SKOR2: variants seen among roughly 807,000 people sequenced by gnomAD.
The protein encoded by SKOR2 is LBX1 corepressor 1-like protein.
In SKOR2, 47 loss-of-function variants were observed where a neutral mutation model predicts 69.1. That is an observed-to-expected ratio of 0.68 (90% CI 0.54 to 0.87). The LOEUF (loss-of-function observed/expected upper bound fraction) is 0.87, where lower values mean the gene tolerates loss of function less well. Ranked by LOEUF, SKOR2 falls within the 40% of genes least tolerant of loss-of-function variation. The pLI is 0.00. For missense variants in SKOR2, 1,404 were observed against 1,472.2 expected, an observed-to-expected ratio of 0.95 and a Z score of 0.76; for synonymous variants, 717 against 672.6, an observed-to-expected ratio of 1.07 and a Z score of -1.02.
chr18:47,229,647 C>T (rs942043431), intron 6 of SKOR2, among the ~76,000 whole-genome samples: 2 of 151,870 alleles, frequency 1.3e-5, no homozygotes, highest in African/African-American at 2.4e-5. Context: ...GAGCAAGACT[C>T]CATCTCAAAA....
At chr18:47,245,917 A>G (rs113065175) in intron 2 of SKOR2, among the ~76,000 whole-genome samples, 1 of 152,242 alleles carries the variant, frequency 6.6e-6, no homozygotes, top group African/African-American at 2.4e-5. Flanking sequence ...TTCTGTGCAC[A>G]CGTGAGTGAA....
intron 8 of SKOR2, among the ~76,000 whole-genome samples, chr18:47,210,835 G>C (rs2064125783): frequency 6.6e-6 from 1 of 152,002 alleles, no homozygotes; most frequent in Admixed American, 6.6e-5. Flanking sequence ...CATGCATTAG[G>C]AAGAGGCAGG....
chr18:47,250,573 T>C (rs2064307992), intron 1 of SKOR2, among the ~76,000 whole-genome samples: 1 of 152,228 alleles, frequency 6.6e-6, no homozygotes, highest in Non-Finnish European at 1.5e-5. Flanking sequence ...ATTACAGTGC[T>C]TTCAGAGGGT....
chr18:47,247,665 G>A lies in SKOR2; in HGVS notation c.1519C>T (p.Arg507Cys). The A allele has an allele frequency of 7.3e-7, 1 of 1,366,490 alleles. No homozygotes were observed. The highest frequency in any genetic ancestry group is 1.7e-5 in the South Asian group (1 of 57,718). The allele number at this position is 1,366,490 out of a possible 1,614,324, so 84.6% of individuals were successfully genotyped here. Residue 507 changes from arginine (R) to cysteine (C), a missense_variant, in exon 2 of 9, where the codon CGC becomes TGC. Transcript: ENST00000425639. The surrounding 1 kb of genome is among the most constrained non-coding windows in gnomAD (Gnocchi z 6.6). ...TCAGCCAGGTCCAGGAAGGCCTGGCGCAGCAGGGCCGGGCTTTCGCCTAGC... is the reference window on the plus strand; with the variant it reads ...TCAGCCAGGTCCAGGAAGGCCTGGCACAGCAGGGCCGGGCTTTCGCCTAGC... ...CALGESPALL[R>C]QAFLDLAEPG... is the part of the protein sequence containing the mutation.
intron 7 of SKOR2, among the ~76,000 whole-genome samples, chr18:47,216,693 C>T (rs929163869): frequency 6.6e-6 from 1 of 152,048 alleles, no homozygotes; most frequent in Non-Finnish European, 1.5e-5. Flanking sequence ...TTTTTAACAA[C>T]ATAGGATAAA....
chr18:47,228,883 C>T (rs2144493764), intron 6 of SKOR2, among the ~76,000 whole-genome samples: 1 of 152,344 alleles, frequency 6.6e-6, no homozygotes, highest in African/African-American at 2.4e-5. Flanking sequence ...CTTTCAGTCT[C>T]ATTCTAAAGC....
At chr18:47,224,554 CTT>C (rs1254001612) in intron 6 of SKOR2, among the ~76,000 whole-genome samples, 1 of 152,028 alleles carries the variant, frequency 6.6e-6, no homozygotes, top group Non-Finnish European at 1.5e-5. Context: ...AAGCAGTGGG[CTT>C]TGGGGTTCAA....
At chr18:47,239,342 G>C (rs1221892150) in intron 4 of SKOR2, among the ~76,000 whole-genome samples, 2 of 148,030 alleles carry the variant, frequency 1.4e-5, no homozygotes, top group Non-Finnish European at 3.0e-5. Flanking sequence ...TCACAGAACA[G>C]AAAAGAAAAA....
chr18:47,229,141 G>C (rs1207272634), intron 6 of SKOR2, among the ~76,000 whole-genome samples: 1 of 152,198 alleles, frequency 6.6e-6, no homozygotes, highest in African/African-American at 2.4e-5. Flanking sequence ...TTGTGCCAGT[G>C]ATTACATTTA....
At chr18:47,213,034 C>A (rs2064132696) in intron 7 of SKOR2, among the ~76,000 whole-genome samples, 1 of 152,078 alleles carries the variant, frequency 6.6e-6, no homozygotes, top group Non-Finnish European at 1.5e-5. Context: ...AGAATTCTAC[C>A]TTGATAAACT....
At chr18:47,213,060 A>C (rs1159706211) in intron 7 of SKOR2, among the ~76,000 whole-genome samples, 2 of 152,178 alleles carry the variant, frequency 1.3e-5, no homozygotes, top group Non-Finnish European at 2.9e-5. Flanking sequence ...AGTACTTTCG[A>C]ATACTGGGGT....
chr18:47,232,721 A>T (rs2064204493), intron 4 of SKOR2, among the ~76,000 whole-genome samples: 1 of 152,210 alleles, frequency 6.6e-6, no homozygotes, highest in South Asian at 2.1e-4. Flanking sequence ...AGCACTCAAT[A>T]AAGGGTCTGC....
chr18:47,226,060 G>A (rs1273032988), intron 6 of SKOR2, among the ~76,000 whole-genome samples: 1 of 152,180 alleles, frequency 6.6e-6, no homozygotes, highest in Non-Finnish European at 1.5e-5. Flanking sequence ...AGGCCACCCT[G>A]CTGGTGACGG....
In SKOR2 at chr18:47,246,595, C is replaced by T. The variant is rs764299473; in HGVS notation, c.2589G>A (p.Leu863=). Reference sequence around the variant, plus strand: ...CATCTTTGTAGGAGGGCTGCTCCTCCAGTGATGGATGGTGAACTGGGCTGC... The same window carrying T: ...CATCTTTGTAGGAGGGCTGCTCCTCTAGTGATGGATGGTGAACTGGGCTGC... The part of the protein sequence containing the change: ...SPGSPVHHPS[L]EEQPSYKDSQ... Residue 863 remains leucine (L), a synonymous_variant, in exon 2 of 9, where the codon CTG becomes CTA. Transcript: ENST00000425639. 6.6e-7 allele frequency: 1 copy of T among 1,522,222 alleles called. No homozygotes were observed. The highest frequency in any genetic ancestry group is 1.2e-5 in the South Asian group (1 of 83,606). 94.3% of individuals were successfully genotyped at this position (1,522,222 alleles called of 1,614,324 possible). A position where few individuals can be genotyped will look rare whatever the true frequency, so the allele number is the denominator to read the frequency against.
chr18:47,243,886 T>C lies in SKOR2; in HGVS notation c.2752+1022A>G, dbSNP rs549689032. On this transcript the variant is annotated intron_variant, in intron 4 of 8. Coordinates refer to ENST00000425639, the MANE Select transcript of SKOR2 (RefSeq NM_001278063.4). ...CACTAACCAATGATATGCTACAAAA[T>C]TATTATTAATAACTCCTCAGCATCA... 2.0e-4 allele frequency among the ~76,000 whole-genome samples: 30 copies of C among 152,320 alleles called. No homozygotes were observed. The South Asian group carries it at 3.9e-3, about 20-fold the overall frequency.
intron 6 of SKOR2, among the ~76,000 whole-genome samples, chr18:47,223,526 G>A (rs2064168314): frequency 6.6e-6 from 1 of 152,180 alleles, no homozygotes; most frequent in East Asian, 1.9e-4. Context: ...GTGGATACAT[G>A]CAAAGACTTA....
chr18:47,237,699 C>CTT lies in SKOR2; in HGVS notation c.2753-6701_2753-6700dup, dbSNP rs398041372. Among the ~76,000 whole-genome samples the CTT allele has an allele frequency of 4.7e-3, 638 of 134,548 alleles. 1 individual carries two copies. Among genetic ancestry groups the CTT allele is most frequent in the African/African-American group, 0.016 (583 of 36,548 alleles). The allele number at this position is 134,548 out of a possible 152,430, so 88.3% of individuals were successfully genotyped here. A position where few individuals can be genotyped will look rare whatever the true frequency, so the allele number is the denominator to read the frequency against. On this transcript the variant is annotated intron_variant, in intron 4 of 8. Transcript: ENST00000425639. ...CTCCCCACCATTTTCTTTTCTTTTT[C>CTT]TTTTTTTTTTTTTTTTGAGACAGGG...
chr18:47,249,417 T>C (rs1053751121), intron 1 of SKOR2, among the ~76,000 whole-genome samples, 187 bp from the exon 2 acceptor site: 11 of 152,266 alleles, frequency 7.2e-5, no homozygotes, highest in Non-Finnish European at 1.3e-4. Context: ...GGCCATCCTT[T>C]AGAAATGCAG....
At chr18:47,222,584 C>A (rs1268042364) in intron 6 of SKOR2, among the ~76,000 whole-genome samples, 1 of 152,190 alleles carries the variant, frequency 6.6e-6, no homozygotes, top group Admixed American at 6.5e-5. Context: ...GCGCTGTGGC[C>A]CGCAGGCCTC....
Sources: allele counts gnomAD v4.1 joint callset (sites outside exome capture counted in the v4.1 genomes callset), GRCh38; gene constraint gnomAD v4.1.1; non-coding constraint Gnocchi (gnomAD v3.1); transcripts MANE v1.5; gene names NCBI Gene and HGNC (gene_info 2026-07-23, HGNC 2026-07-21).